Variants in SORCS2 observed in about 807,000 individuals in gnomAD.
SORCS2 encodes VPS10 domain-containing receptor SorCS2.
A neutral mutation model predicts 141.6 loss-of-function variants in SORCS2; 100 were observed. The ratio of observed to expected loss-of-function variants is 0.71; its 90% CI spans 0.60 to 0.83. SORCS2 has a LOEUF of 0.83. Ranked by LOEUF, SORCS2 falls within the 40% of genes least tolerant of loss-of-function variation. The pLI is 0.00. For synonymous variants in SORCS2, 789 were observed against 676.9 expected, an observed-to-expected ratio of 1.17 and a Z score of -2.57; for missense variants, 1,646 against 1,560.2, an observed-to-expected ratio of 1.05 and a Z score of -0.93.
intron 1 of SORCS2, among the ~76,000 whole-genome samples, chr4:7,345,628 A>G (rs762469770): frequency 6.6e-6 from 1 of 152,158 alleles, no homozygotes; most frequent in Non-Finnish European, 1.5e-5. Context: ...TCCGTTTCCC[A>G]TCTGTGAGAT....
At chr4:7,545,836 G>A (rs561974726) in intron 3 of SORCS2, among the ~76,000 whole-genome samples, 8 of 152,204 alleles carry the variant, frequency 5.3e-5, no homozygotes, top group Non-Finnish European at 8.8e-5. Flanking sequence ...TGGCTCTCAC[G>A]AAACACTCCA....
At chr4:7,331,211 C>T (rs1476907172) in intron 1 of SORCS2, among the ~76,000 whole-genome samples, 11 of 152,082 alleles carry the variant, frequency 7.2e-5, no homozygotes, top group South Asian at 2.1e-4. Flanking sequence ...TTTCATTTTC[C>T]GTGGGCTGGA....
intron 1 of SORCS2, among the ~76,000 whole-genome samples, chr4:7,392,867 T>C (rs538308641): frequency 1.3e-5 from 2 of 148,296 alleles, no homozygotes; most frequent in African/African-American, 5.0e-5. Flanking sequence ...TCAGCCGTAA[T>C]GTGAGAACAG....
intron 3 of SORCS2, among the ~76,000 whole-genome samples, chr4:7,606,717 T>A (rs1718087480): frequency 6.6e-6 from 1 of 152,058 alleles, no homozygotes; most frequent in African/African-American, 2.4e-5. Context: ...CGGTGTGGTC[T>A]CCATTCTGTG....
chr4:7,654,054 G>A (rs1721600696), intron 4 of SORCS2, 80 bp from the exon 5 acceptor site: 2 of 1,281,228 alleles, frequency 1.6e-6, no homozygotes, highest in Non-Finnish European at 2.2e-6. Flanking sequence ...ATCTGCTGTG[G>A]TGAAGACATC....
chr4:7,395,457 C>A (rs1163171877), intron 1 of SORCS2, among the ~76,000 whole-genome samples: 1 of 152,168 alleles, frequency 6.6e-6, no homozygotes, highest in Non-Finnish European at 1.5e-5. Flanking sequence ...ATTTGATGTA[C>A]ATGAAAACGC....
chr4:7,699,203 C>T (rs145021649), intron 12 of SORCS2, among the ~76,000 whole-genome samples: 106 of 152,288 alleles, frequency 7.0e-4, no homozygotes, highest in Non-Finnish European at 1.2e-3. Context: ...TCTCCCCACC[C>T]GGCCCTGCTG....
chr4:7,496,551 T>G (rs1366186237), intron 2 of SORCS2, among the ~76,000 whole-genome samples: 1 of 145,514 alleles, frequency 6.9e-6, no homozygotes, highest in Non-Finnish European at 1.5e-5. Flanking sequence ...TAATTTTGGG[T>G]GTCAGGAAAT....
At chr4:7,543,826 ATCTG>A (rs1712975962) in intron 3 of SORCS2, among the ~76,000 whole-genome samples, 2 of 98,544 alleles carry the variant, frequency 2.0e-5, no homozygotes, top group African/African-American at 3.8e-5. Context: ...CCATCTACCC[ATCTG>A]TCCATCCATC....
chr4:7,693,987 G>A (rs569188035), intron 11 of SORCS2, among the ~76,000 whole-genome samples: 2 of 152,356 alleles, frequency 1.3e-5, no homozygotes, highest in South Asian at 4.1e-4. Context: ...CTATGGGGCA[G>A]CCCACTCACC....
intron 1 of SORCS2, among the ~76,000 whole-genome samples, chr4:7,394,498 A>C (rs1431700850): frequency 1.4e-5 from 2 of 145,814 alleles, no homozygotes; most frequent in African/African-American, 5.1e-5. Flanking sequence ...GTTCAGCAGG[A>C]ATTCACCGAG....
chr4:7,596,612 C>T (rs911616958), intron 3 of SORCS2, among the ~76,000 whole-genome samples: 4 of 152,150 alleles, frequency 2.6e-5, no homozygotes, highest in African/African-American at 4.8e-5. Context: ...TTTCTTTTAA[C>T]GTAATTTGCA....
At chr4:7,559,780 A>G (rs917608171) in intron 3 of SORCS2, among the ~76,000 whole-genome samples, 1 of 152,220 alleles carries the variant, frequency 6.6e-6, no homozygotes, top group Non-Finnish European at 1.5e-5. Context: ...GTTGTACAAG[A>G]TGAACAAACG....
intron 2 of SORCS2, among the ~76,000 whole-genome samples, chr4:7,509,039 G>A (rs1732447547): frequency 1.3e-5 from 2 of 152,144 alleles, no homozygotes; most frequent in African/African-American, 4.8e-5. Context: ...GACCTTTCGT[G>A]GGTAACCATT....
chr4:7,547,938 A>G (rs986667203), intron 3 of SORCS2, among the ~76,000 whole-genome samples: 2 of 152,238 alleles, frequency 1.3e-5, no homozygotes, highest in African/African-American at 4.8e-5. Flanking sequence ...TCAACATGCC[A>G]CGGCCCACAT....
intron 1 of SORCS2, among the ~76,000 whole-genome samples, chr4:7,275,454 G>C (rs547518564): frequency 8.5e-5 from 13 of 152,240 alleles, no homozygotes; most frequent in African/African-American, 3.1e-4. Flanking sequence ...GGAATCACCC[G>C]TGTCTGCTCT....
chr4:7,244,805 G>C (rs1254321450), intron 1 of SORCS2, among the ~76,000 whole-genome samples: 2 of 152,240 alleles, frequency 1.3e-5, no homozygotes, highest in Non-Finnish European at 2.9e-5. Context: ...GCCGGGACAG[G>C]CTGCTCAGCA....
At chr4:7,245,643 C>T (rs977898229) in intron 1 of SORCS2, among the ~76,000 whole-genome samples, 3 of 152,196 alleles carry the variant, frequency 2.0e-5, no homozygotes, top group Non-Finnish European at 2.9e-5. Context: ...AGAGTGTCAG[C>T]CATTGCTATT....
intron 1 of SORCS2, among the ~76,000 whole-genome samples, chr4:7,271,465 C>A (rs1238506852): frequency 1.3e-5 from 2 of 152,198 alleles, no homozygotes; most frequent in Non-Finnish European, 2.9e-5. Flanking sequence ...ATACCCTTCC[C>A]CACTTCCTTC....
Sources: gnomAD v4.1 joint callset for allele counts (sites outside exome capture counted in the v4.1 genomes callset) on GRCh38, gnomAD v4.1.1 for gene constraint, MANE v1.5 for transcripts, NCBI Gene and HGNC (gene_info 2026-07-23, HGNC 2026-07-21) for gene names.